FARS2: variants seen among roughly 807,000 people sequenced by gnomAD.
The protein encoded by FARS2 is phenylalanyl-tRNA synthetase 2, mitochondrial.
Under a neutral mutation model 46.4 loss-of-function variants are expected in FARS2, and 40 were observed. The ratio of observed to expected loss-of-function variants is 0.86; its 90% confidence interval spans 0.67 to 1.12. The LOEUF (loss-of-function observed/expected upper bound fraction) is 1.12, where lower values mean the gene tolerates loss of function less well. Among genes scored for constraint, FARS2 ranks in the 50% most tolerant of loss-of-function variants. The pLI, the probability that FARS2 is intolerant of heterozygous loss-of-function variation, is 0.00. For missense variants in FARS2, 513 were observed against 567.9 expected, an observed-to-expected ratio of 0.90 and a Z score of 0.98; for synonymous variants, 234 against 214.9, an observed-to-expected ratio of 1.09 and a Z score of -0.78.
chr6:5,771,411 T>A lies in FARS2; in HGVS notation c.1338T>A (p.Gly446=). The A allele has an allele frequency of 1.2e-6, 2 of 1,613,930 alleles. No individual in the cohort carries two copies. Among genetic ancestry groups the A allele is most frequent in the Non-Finnish European group, 1.7e-6 (2 of 1,179,952 alleles). ...AGGAGGCTGCAGTCCAGCTGTTGGG[T>A]GTGGAGGGCAGGTTCTGATGTCACC... ...ALQEAAVQLL[G]VEGRF The change falls in exon 7 of 7, where the codon GGT becomes GGA. Residue 446 remains glycine (G), a synonymous_variant. Coordinates refer to ENST00000274680, the MANE Select transcript of FARS2 (RefSeq NM_006567.5).
intron 1 of FARS2, among the ~76,000 whole-genome samples, chr6:5,271,395 G>T (rs1167485961): frequency 2.0e-5 from 3 of 152,074 alleles, no homozygotes; most frequent in Non-Finnish European, 4.4e-5. Context: ...GAGAAGATAG[G>T]ATTCTTTTGG....
At chr6:5,595,923 C>T (rs1774173510) in intron 5 of FARS2, among the ~76,000 whole-genome samples, 2 of 152,066 alleles carry the variant, frequency 1.3e-5, no homozygotes, top group South Asian at 4.2e-4. Flanking sequence ...GTGACCTCCC[C>T]CTTAGACCTC....
chr6:5,496,593 C>T (rs1767478502), intron 4 of FARS2, among the ~76,000 whole-genome samples: 1 of 152,134 alleles, frequency 6.6e-6, no homozygotes, highest in Admixed American at 6.5e-5. Context: ...CTCCTGAGGC[C>T]TCTTTCCTTG....
chr6:5,495,596 T>C (rs892590468), intron 4 of FARS2, among the ~76,000 whole-genome samples: 1 of 152,244 alleles, frequency 6.6e-6, no homozygotes, highest in African/African-American at 2.4e-5. Flanking sequence ...GAGTTCCTAA[T>C]GGAACATCAG....
chr6:5,614,325 C>G (rs2150676465), intron 6 of FARS2, among the ~76,000 whole-genome samples: 1 of 152,256 alleles, frequency 6.6e-6, no homozygotes, highest in South Asian at 2.1e-4. Context: ...CCTGATTGTT[C>G]CAGGTGTGTC....
intron 6 of FARS2, among the ~76,000 whole-genome samples, chr6:5,704,307 A>G (rs11963270): frequency 0.014 from 2,201 of 152,264 alleles, 65 homozygotes; most frequent in African/African-American, 0.05. Context: ...GGGCCCCTTT[A>G]TAAAGACACC....
chr6:5,431,240 T>C, intron 4 of FARS2, 68 bp downstream of exon 4: 1 of 1,504,004 alleles, frequency 6.6e-7, no homozygotes, highest in Admixed American at 1.7e-5. Context: ...GGCAGCCCCG[T>C]TGCACACTTG....
chr6:5,429,316 A>G (rs1203089198), intron 3 of FARS2, among the ~76,000 whole-genome samples: 1 of 152,218 alleles, frequency 6.6e-6, no homozygotes, highest in Non-Finnish European at 1.5e-5. Context: ...AAATCAGTTG[A>G]CACTTGTCAT....
intron 1 of FARS2, among the ~76,000 whole-genome samples, chr6:5,350,395 T>A (rs1253940268): frequency 6.6e-6 from 1 of 152,132 alleles, no homozygotes; most frequent in Non-Finnish European, 1.5e-5. Flanking sequence ...TAAAAGAGGT[T>A]AGTCAGTAGG....
intron 4 of FARS2, chr6:5,457,903 A>G (rs1008185577): frequency 1.3e-5 from 2 of 152,248 alleles, no homozygotes; most frequent in Admixed American, 1.3e-4. Flanking sequence ...CCTGTAACAC[A>G]CAGATCCGTC....
At chr6:5,589,066 A>T (rs1199046547) in intron 5 of FARS2, among the ~76,000 whole-genome samples, 1 of 152,136 alleles carries the variant, frequency 6.6e-6, no homozygotes, top group Non-Finnish European at 1.5e-5. Flanking sequence ...CTCCACGGTG[A>T]TGGGTGTGTT....
intron 6 of FARS2, among the ~76,000 whole-genome samples, chr6:5,703,060 A>G (rs1477925305): frequency 4.6e-5 from 7 of 152,368 alleles, no homozygotes; most frequent in Admixed American, 3.9e-4. Context: ...TTCAAGCTCA[A>G]AAACTTCCAT....
chr6:5,686,994 T>A (rs563563041), intron 6 of FARS2, among the ~76,000 whole-genome samples: 13 of 152,368 alleles, frequency 8.5e-5, no homozygotes, highest in African/African-American at 3.1e-4. Flanking sequence ...GCTGCATAGA[T>A]GTCTTCTTTT....
the FARS2 span, among the ~76,000 whole-genome samples, chr6:5,255,876 G>A: frequency 5.9e-5 from 9 of 152,316 alleles, no homozygotes; most frequent in East Asian, 3.9e-4. Context: ...ACCCCAGGAT[G>A]AGAACTACTA....
chr6:5,512,292 C>T (rs934238287), intron 4 of FARS2, among the ~76,000 whole-genome samples: 1 of 152,058 alleles, frequency 6.6e-6, no homozygotes, highest in Non-Finnish European at 1.5e-5. Context: ...TCAGGTCCTC[C>T]GACTCCCAGG....
intron 5 of FARS2, among the ~76,000 whole-genome samples, chr6:5,570,420 T>G (rs1466850332): frequency 6.6e-6 from 1 of 152,244 alleles, no homozygotes; most frequent in Non-Finnish European, 1.5e-5. Flanking sequence ...TTCTCTTTAT[T>G]TCACTCTTCT....
chr6:5,415,300 C>A (rs1457772819), intron 3 of FARS2, among the ~76,000 whole-genome samples: 1 of 90,720 alleles, frequency 1.1e-5, no homozygotes, highest in Non-Finnish European at 2.0e-5. Flanking sequence ...TTTGTATTTT[C>A]TTTTCTTTTC....
In FARS2 at chr6:5,399,127, TTTATTATTATTATTATTATTA is replaced by T. The variant is rs56236107; in HGVS notation, c.613-5386_613-5366del. On this transcript the variant is annotated intron_variant, in intron 2 of 6. Coordinates refer to ENST00000274680, the MANE Select transcript of FARS2 (RefSeq NM_006567.5). Reference sequence around the variant, plus strand: ...CACCTCTGGGTAGATTTTATATTATTTTATTATTATTATTATTATTATTATTATTATTATTATTATTATTAT... The same window carrying T: ...CACCTCTGGGTAGATTTTATATTATTTTATTATTATTATTATTATTATTAT... 5.7e-3 allele frequency among the ~76,000 whole-genome samples: 722 copies of T among 125,812 alleles called. 5 individuals are homozygous for T. The highest frequency in any genetic ancestry group is 0.021 in the African/African-American group (666 of 31,862). The allele number at this position is 125,812 out of a possible 152,430, so 82.5% of individuals were successfully genotyped here. A position where few individuals can be genotyped will look rare whatever the true frequency, so the allele number is the denominator to read the frequency against.
chr6:5,752,140 TA>T (rs1761983423), intron 6 of FARS2, among the ~76,000 whole-genome samples: 2 of 152,170 alleles, frequency 1.3e-5, no homozygotes, highest in African/African-American at 4.8e-5. Flanking sequence ...GAAGATGTCA[TA>T]ACCAATACAT....
Sources: gnomAD v4.1 joint callset for allele counts (sites outside exome capture counted in the v4.1 genomes callset) on GRCh38, gnomAD v4.1.1 for gene constraint, MANE v1.5 for transcripts, NCBI Gene and HGNC (gene_info 2026-07-23, HGNC 2026-07-21) for gene names.